MGAT4D: variants seen among roughly 807,000 people sequenced by gnomAD.
MGAT4D encodes the protein alpha-1,3-mannosyl-glycoprotein 4-beta-N-acetylglucosaminyltransferase-like protein MGAT4D.
In MGAT4D, 34 loss-of-function variants were observed where a neutral mutation model predicts 15.9. The ratio of observed to expected loss-of-function variants is 2.14; its 90% CI spans 1.62 to 2.84. The LOEUF is 2.84. MGAT4D is among the 30% of genes most tolerant of loss of function. The pLI is 0.00. For missense variants in MGAT4D, 327 were observed against 140.2 expected (o/e 2.33, Z -6.73); for synonymous variants, 112 against 48.2 (o/e 2.33, Z -5.49).
At chr4:140,443,806 G>A (rs1489245152) in intron 10 of MGAT4D, among the ~76,000 whole-genome samples, 1 of 152,056 alleles carries the variant, frequency 6.6e-6, no homozygotes, top group Non-Finnish European at 1.5e-5. Flanking sequence ...CAAAACTATA[G>A]TAAAGGTTTA....
In MGAT4D at chr4:140,498,192, T is replaced by C. The variant is rs1008027759; in HGVS notation, c.31A>G (p.Thr11Ala). Residue 11 changes from threonine to alanine, a missense_variant, in exon 1 of 11, where the codon ACC becomes GCC. Coordinates refer to ENST00000511113, the MANE Select transcript of MGAT4D (RefSeq NM_001277353.2). ...CTGAACAACGCGACGGCGACCAGGG[T>C]GATCAGCAAGTTCACCTGCTTGGTC... MRTKQVNLLI[T>A]LVAVALFSFS... 4 of 702,388 alleles carry C rather than the reference T, an allele frequency of 5.7e-6. No homozygotes were observed. In the African/African-American group the frequency reaches 7.0e-5, roughly 12 times the overall value. The allele number at this position is 702,388 out of a possible 1,614,324, so 43.5% of individuals were successfully genotyped here.
At chr4:140,462,417 A>C (rs182583375) in intron 6 of MGAT4D, 20 of 156,354 alleles carry the variant, frequency 1.3e-4, no homozygotes, top group Admixed American at 1.2e-3. Flanking sequence ...CCCAATTCTT[A>C]GGGTTAACTA....
Position 140,451,528 on chromosome 4 carries a change from A to G in MGAT4D, c.1009-11T>C. The G allele has an allele frequency of 1.9e-6, 1 of 524,392 alleles. No homozygotes were observed. The highest frequency in any genetic ancestry group is 3.5e-6 in the Non-Finnish European group (1 of 289,072). 32.5% of individuals were successfully genotyped at this position (524,392 alleles called of 1,614,324 possible). On this transcript the variant is annotated splice_polypyrimidine_tract_variant and intron_variant, in intron 9 of 10. Coordinates refer to ENST00000511113, the MANE Select transcript of MGAT4D (RefSeq NM_001277353.2). Reference sequence around the variant, plus strand: ...TTTCATACAGTTTCTCTGGGGAAAAAGAAACAACAATCTTCTGTAAAAACC... The same window carrying G: ...TTTCATACAGTTTCTCTGGGGAAAAGGAAACAACAATCTTCTGTAAAAACC...
At position 140,461,570 on chromosome 4, in the gene MGAT4D, T is replaced by G. The variant is rs547530714; in HGVS notation, c.762+359A>C. 1.2e-4 allele frequency among the ~76,000 whole-genome samples: 19 copies of G among 152,274 alleles called. No homozygotes were observed. In the South Asian group the frequency reaches 3.7e-3, roughly 30 times the overall value. On this transcript the variant is annotated intron_variant, in intron 7 of 10. Coordinates refer to ENST00000511113, the MANE Select transcript of MGAT4D (RefSeq NM_001277353.2). ...TACAATGTCTGACAAATGCTTAAAATGCATTTGCTTAATCTAATAAAATTG... is the reference window on the plus strand; with the variant it reads ...TACAATGTCTGACAAATGCTTAAAAGGCATTTGCTTAATCTAATAAAATTG...
chr4:140,449,614 G>C (rs956523063), intron 10 of MGAT4D, among the ~76,000 whole-genome samples: 3 of 152,076 alleles, frequency 2.0e-5, no homozygotes, highest in Non-Finnish European at 4.4e-5. Context: ...AAAAAAGTTA[G>C]CCCGGCATGG....
intron 2 of MGAT4D, 115 bp from the exon 3 acceptor site, chr4:140,479,742 A>G (rs1417184043): frequency 3.1e-6 from 1 of 324,446 alleles, no homozygotes; most frequent in Non-Finnish European, 5.5e-6. Context: ...CATTTAATAT[A>G]TAAAAGAAAT....
At chr4:140,469,291 TTAAG>T (rs1216220637) in intron 5 of MGAT4D, among the ~76,000 whole-genome samples, 1 of 152,228 alleles carries the variant, frequency 6.6e-6, no homozygotes, top group Non-Finnish European at 1.5e-5. Flanking sequence ...CCTTTTTTGC[TTAAG>T]TATTTTAAAA....
Position 140,498,115 on chromosome 4 carries a change from G to A in MGAT4D, c.94+14C>T, listed in dbSNP as rs1316872890. On this transcript the variant is annotated intron_variant, in intron 1 of 10. Coordinates refer to ENST00000511113, the MANE Select transcript of MGAT4D (RefSeq NM_001277353.2). ...GCGGCGGGAAAGGAGGCGGGAGGAG[G>A]GCCCGCCGCTTACTGGTTTGAGTTA... The A allele has an allele frequency of 4.3e-6, 3 of 696,594 alleles. No individual in the cohort carries two copies. The highest frequency in any genetic ancestry group is 7.8e-6 in the Non-Finnish European group (3 of 382,194). 43.2% of individuals were successfully genotyped at this position (696,594 alleles called of 1,614,324 possible).
chr4:140,482,840 C>A (rs891603517), intron 1 of MGAT4D, among the ~76,000 whole-genome samples: 1 of 151,998 alleles, frequency 6.6e-6, no homozygotes, highest in Non-Finnish European at 1.5e-5. Context: ...ATCCCATTAA[C>A]CCCCCAAAAA....
intron 1 of MGAT4D, among the ~76,000 whole-genome samples, chr4:140,490,425 G>A (rs745870283): frequency 6.6e-6 from 1 of 152,116 alleles, no homozygotes; most frequent in Non-Finnish European, 1.5e-5. Flanking sequence ...GAACCTGAAC[G>A]CTGGAACTCT....
chr4:140,496,235 T>G (rs1384519292), intron 1 of MGAT4D, among the ~76,000 whole-genome samples: 1 of 152,198 alleles, frequency 6.6e-6, no homozygotes, highest in Non-Finnish European at 1.5e-5. Context: ...TTTGTTGATG[T>G]GAGAACAGCT....
intron 1 of MGAT4D, among the ~76,000 whole-genome samples, chr4:140,488,439 A>G (rs1733285634): frequency 6.6e-6 from 1 of 152,248 alleles, no homozygotes; most frequent in Non-Finnish European, 1.5e-5. Context: ...AATGGTGCAT[A>G]TATTTAAACT....
At chr4:140,467,526 C>T (rs1731620352) in intron 5 of MGAT4D, among the ~76,000 whole-genome samples, 1 of 152,024 alleles carries the variant, frequency 6.6e-6, no homozygotes, top group Non-Finnish European at 1.5e-5. Context: ...GATATAATTC[C>T]CCAGTCATGT....
chr4:140,463,834 T>C (rs568405654), intron 6 of MGAT4D, among the ~76,000 whole-genome samples: 2 of 152,214 alleles, frequency 1.3e-5, no homozygotes, highest in African/African-American at 2.4e-5. Context: ...GGATATTTTA[T>C]GATATGTGGG....
intron 7 of MGAT4D, among the ~76,000 whole-genome samples, chr4:140,461,336 G>A (rs1270858629): frequency 6.6e-6 from 1 of 152,036 alleles, no homozygotes; most frequent in Non-Finnish European, 1.5e-5. Flanking sequence ...ACTCTCTTCT[G>A]CAAATTCTTT....
At chr4:140,490,629 G>C (rs1733442445) in intron 1 of MGAT4D, among the ~76,000 whole-genome samples, 1 of 152,112 alleles carries the variant, frequency 6.6e-6, no homozygotes, top group Non-Finnish European at 1.5e-5. Context: ...TTGAGCCTGA[G>C]TCTGATCTCC....
intron 5 of MGAT4D, among the ~76,000 whole-genome samples, chr4:140,465,424 A>G (rs1195854698): frequency 2.0e-5 from 3 of 152,170 alleles, no homozygotes; most frequent in South Asian, 2.1e-4. Context: ...CTGAAACTAG[A>G]TTACCCCAGC....
At chr4:140,453,515 T>A (rs975316937) in intron 9 of MGAT4D, among the ~76,000 whole-genome samples, 4 of 152,074 alleles carry the variant, frequency 2.6e-5, no homozygotes, top group Non-Finnish European at 5.9e-5. Flanking sequence ...TTTTTAAATA[T>A]TGTAAGTAAT....
At chr4:140,491,854 C>G (rs927961032) in intron 1 of MGAT4D, among the ~76,000 whole-genome samples, 1 of 151,984 alleles carries the variant, frequency 6.6e-6, no homozygotes, top group Non-Finnish European at 1.5e-5. Flanking sequence ...AACCTCTGTC[C>G]CCCCAGCTCT....
Sources: allele counts gnomAD v4.1 joint callset (sites outside exome capture counted in the v4.1 genomes callset), GRCh38; gene constraint gnomAD v4.1.1; transcripts MANE v1.5; gene names NCBI Gene and HGNC (gene_info 2026-07-23, HGNC 2026-07-21).